Variants in POU2F3 observed in about 807,000 individuals in gnomAD.
POU2F3 encodes the protein POU class 2 homeobox 3.
A neutral mutation model predicts 59.2 loss-of-function variants in POU2F3; 23 were observed. That is an observed-to-expected ratio of 0.39 (90% CI 0.28 to 0.55). The LOEUF (loss-of-function observed/expected upper bound fraction) is 0.55, where lower values mean the gene tolerates loss of function less well. Ranked by LOEUF, POU2F3 falls within the 20% of genes least tolerant of loss-of-function variation. POU2F3 has a pLI of 0.66. For missense variants in POU2F3, 473 were observed against 544.5 expected, an observed-to-expected ratio of 0.87 and a Z score of 1.31; for synonymous variants, 190 against 214.6, an observed-to-expected ratio of 0.89 and a Z score of 1.00.
intron 6 of POU2F3, chr11:120,303,539 C>G (rs1941404082): frequency 2.0e-5 from 3 of 152,188 alleles, no homozygotes; most frequent in Admixed American, 2.0e-4. Flanking sequence ...GGGAGAAGGT[C>G]TAGCAGAGAG....
chr11:120,239,933 G>A (rs1404797294), upstream of POU2F3, among the ~76,000 whole-genome samples: 7 of 152,262 alleles, frequency 4.6e-5, no homozygotes, highest in Non-Finnish European at 8.8e-5. Flanking sequence ...CTCCGGGCGC[G>A]GTGAGGAGGT....
At chr11:120,310,577 G>A (rs1381735987) in intron 10 of POU2F3, among the ~76,000 whole-genome samples, 1 of 152,154 alleles carries the variant, frequency 6.6e-6, no homozygotes, top group African/African-American at 2.4e-5. Flanking sequence ...CTCCATGCAG[G>A]GAGAAATGGT....
At chr11:120,280,903 G>A (rs1352612345) in intron 3 of POU2F3, among the ~76,000 whole-genome samples, 1 of 152,178 alleles carries the variant, frequency 6.6e-6, no homozygotes, top group African/African-American at 2.4e-5. Context: ...GGCCCTTCGA[G>A]AAGCCGCCTC....
rs574396866 is a variant in POU2F3, at chr11:120,308,080, C to T, written c.906+465C>T. Among the ~76,000 whole-genome samples, 633 of 152,304 alleles carry T rather than the reference C, an allele frequency of 4.2e-3. 3 individuals carry two copies. Among genetic ancestry groups the T allele is most frequent in the Non-Finnish European group, 5.9e-3 (400 of 68,026 alleles). ...AAGTAGAAAGAAAAAAAACGCCCAT[C>T]GCCAAATGCCATCTGACCTCATTTC... On this transcript the variant is annotated intron_variant, in intron 9 of 12. Coordinates refer to ENST00000543440, the MANE Select transcript of POU2F3 (RefSeq NM_014352.4).
chr11:120,310,455 G>A (rs867394514), intron 10 of POU2F3, among the ~76,000 whole-genome samples: 1 of 152,232 alleles, frequency 6.6e-6, no homozygotes, highest in African/African-American at 2.4e-5. Flanking sequence ...GCATCCAAGA[G>A]TGAGTATGAA....
rs764554982 is a variant in POU2F3 at position 120,299,606 on chromosome 11, G to A, written c.259-18G>A. ...AGCTTGTAAATTCTGTGGTGTATGTGTATCTCTCCGTGTGTAGGACATGGC... is the reference window on the plus strand; with the variant it reads ...AGCTTGTAAATTCTGTGGTGTATGTATATCTCTCCGTGTGTAGGACATGGC... On this transcript the variant is annotated intron_variant, in intron 4 of 12. Coordinates refer to ENST00000543440, the MANE Select transcript of POU2F3 (RefSeq NM_014352.4). 7.5e-6 allele frequency: 12 copies of A among 1,608,248 alleles called. No homozygotes were observed. Among genetic ancestry groups the A allele is most frequent in the Non-Finnish European group, 1.0e-5 (12 of 1,176,454 alleles).
chr11:120,258,103 G>A (rs1334701385), intron 2 of POU2F3, among the ~76,000 whole-genome samples: 3 of 152,034 alleles, frequency 2.0e-5, no homozygotes, highest in Non-Finnish European at 2.9e-5. Context: ...CTCCACACGC[G>A]CCCCTCTGAG....
intron 9 of POU2F3, among the ~76,000 whole-genome samples, chr11:120,308,968 A>AAAAAAAAAAAAAC: frequency 6.9e-6 from 1 of 144,246 alleles, no homozygotes; most frequent in African/African-American, 2.6e-5. Context: ...AAAAAAAAAA[A>AAAAAAAAAAAAAC]AAAAAAAAGA....
At chr11:120,283,281 C>T (rs1940644908) in intron 3 of POU2F3, among the ~76,000 whole-genome samples, 1 of 152,162 alleles carries the variant, frequency 6.6e-6, no homozygotes, top group African/African-American at 2.4e-5. Flanking sequence ...TAGGGCACTC[C>T]CCAGACTGTG....
chr11:120,280,958 G>A (rs11217784), intron 3 of POU2F3, among the ~76,000 whole-genome samples: 1,851 of 152,280 alleles, frequency 0.012, 28 homozygotes, highest in African/African-American at 0.042. Context: ...GGCAGTGTTT[G>A]CCTGTGTGTG....
At chr11:120,242,135 C>T (rs958475474) in intron 1 of POU2F3, among the ~76,000 whole-genome samples, 1 of 152,200 alleles carries the variant, frequency 6.6e-6, no homozygotes, top group Non-Finnish European at 1.5e-5. Flanking sequence ...CCATTCCCCC[C>T]TCAGGGCTAC....
intron 4 of POU2F3, among the ~76,000 whole-genome samples, chr11:120,298,948 G>A (rs1334870550): frequency 6.6e-6 from 1 of 152,084 alleles, no homozygotes; most frequent in African/African-American, 2.4e-5. Context: ...CATTTAGCAG[G>A]GCTTCTCAGG....
chr11:120,280,268 G>C (rs1451036060), intron 3 of POU2F3, among the ~76,000 whole-genome samples: 1 of 152,166 alleles, frequency 6.6e-6, no homozygotes, highest in Non-Finnish European at 1.5e-5. Context: ...TTTGCAAGCA[G>C]TATCTCATTT....
At chr11:120,238,148 G>A (rs1025627024), upstream of POU2F3, among the ~76,000 whole-genome samples, 1 of 152,174 alleles carries the variant, frequency 6.6e-6, no homozygotes, top group Non-Finnish European at 1.5e-5. Flanking sequence ...GCTGAGGCAG[G>A]AGAATCGCTT....
chr11:120,279,587 C>T (rs1013046254), intron 3 of POU2F3, among the ~76,000 whole-genome samples: 7 of 152,120 alleles, frequency 4.6e-5, no homozygotes, highest in Admixed American at 1.3e-4. Flanking sequence ...CAAGCGTGGG[C>T]GGGGAAGCAG....
rs905350438 is a variant in POU2F3, at chr11:120,269,153, C to T, written c.98-57C>T. ...CTCAACATCCTAGTTTTTTTCTAAC[C>T]TTCAGCTCTTCCAAACCTGCTACCA... is the stretch of plus-strand genomic sequence containing the variant. On this transcript the variant is annotated intron_variant, in intron 2 of 12. Transcript: ENST00000543440. 1.4e-4 allele frequency: 198 copies of T among 1,410,144 alleles called. 5 individuals carry two copies. In the Middle Eastern group the frequency reaches 8.9e-3, roughly 64 times the overall value. The allele number at this position is 1,410,144 out of a possible 1,614,324, so 87.4% of individuals were successfully genotyped here. A position where few individuals can be genotyped will look rare whatever the true frequency, so the allele number is the denominator to read the frequency against.
chr11:120,245,636 G>A (rs547056463), intron 1 of POU2F3, among the ~76,000 whole-genome samples: 26 of 152,280 alleles, frequency 1.7e-4, no homozygotes, highest in African/African-American at 6.3e-4. Flanking sequence ...GGAGACTTAG[G>A]GGCCTCCCAC....
intron 2 of POU2F3, among the ~76,000 whole-genome samples, chr11:120,253,136 A>G (rs1591377649): frequency 6.6e-6 from 1 of 151,912 alleles, no homozygotes; most frequent in Non-Finnish European, 1.5e-5. Context: ...ATGCACCCAG[A>G]CCTACTGTGC....
At chr11:120,309,686 T>A in intron 10 of POU2F3, 100 bp downstream of exon 10, 1 of 1,367,974 alleles carries the variant, frequency 7.3e-7, no homozygotes, top group Non-Finnish European at 1.0e-6. Flanking sequence ...ATCCAGTAAA[T>A]AAATAAGCAA....
Sources: allele counts gnomAD v4.1 joint callset (sites outside exome capture counted in the v4.1 genomes callset), GRCh38; gene constraint gnomAD v4.1.1; transcripts MANE v1.5; gene names NCBI Gene and HGNC (gene_info 2026-07-23, HGNC 2026-07-21).